The following FMN1 variants were observed in gnomAD, a reference collection of about 807,000 sequenced individuals.
The protein encoded by FMN1 is formin-1.
Under a neutral mutation model 132.4 loss-of-function variants are expected in FMN1, and 110 were observed. That is an observed-to-expected ratio of 0.83 (90% CI 0.71 to 0.97). The LOEUF is 0.97. Among genes scored for constraint, FMN1 ranks in the 50% least tolerant of loss-of-function variants. The pLI, the probability that FMN1 is intolerant of heterozygous loss-of-function variation, is 0.00. For missense variants in FMN1, 1,792 were observed against 1,705.3 expected (o/e 1.05, Z -0.90); for synonymous variants, 722 against 651.7 (o/e 1.11, Z -1.64).
chr15:33,107,222 C>A (rs575455891), intron 4 of FMN1, among the ~76,000 whole-genome samples: 1 of 152,038 alleles, frequency 6.6e-6, no homozygotes, highest in East Asian at 1.9e-4. Context: ...CAAATCTGAT[C>A]ACTTCACACA....
At chr15:32,899,785 G>A (rs1238485569) in intron 14 of FMN1, 194 bp downstream of exon 14, 11 of 547,352 alleles carry the variant, frequency 2.0e-5, no homozygotes, top group African/African-American at 1.2e-4. Flanking sequence ...AGTCTAACGT[G>A]AAAAAAAAAA....
At chr15:32,866,401 A>T (rs2059394713) in intron 16 of FMN1, among the ~76,000 whole-genome samples, 1 of 152,210 alleles carries the variant, frequency 6.6e-6, no homozygotes, top group African/African-American at 2.4e-5. Flanking sequence ...GTGAAAAAAA[A>T]GCATTTTGTA....
At chr15:32,932,498 G>C (rs347955) in intron 9 of FMN1, among the ~76,000 whole-genome samples, 1 of 152,160 alleles carries the variant, frequency 6.6e-6, no homozygotes, top group Non-Finnish European at 1.5e-5. Context: ...TGGTATCAGA[G>C]TAATGCTGTT....
chr15:33,043,883 G>A (rs977144746), intron 6 of FMN1, among the ~76,000 whole-genome samples: 29 of 152,164 alleles, frequency 1.9e-4, no homozygotes, highest in African/African-American at 6.5e-4. Context: ...CAAAAGCCCC[G>A]CCCTCCTGGG....
intron 4 of FMN1, among the ~76,000 whole-genome samples, chr15:33,128,276 A>C (rs929037140): frequency 5.9e-5 from 9 of 152,188 alleles, no homozygotes; most frequent in Non-Finnish European, 1.2e-4. Flanking sequence ...TTAGAAGCGC[A>C]ACAGTTGGGA....
intron 6 of FMN1, among the ~76,000 whole-genome samples, chr15:33,032,326 A>C (rs900863261): frequency 2.0e-5 from 3 of 152,262 alleles, no homozygotes; most frequent in African/African-American, 7.2e-5. Context: ...TGTAGATGCA[A>C]GTATTCATTA....
At chr15:32,818,148 T>TTA (rs1211738549) in intron 17 of FMN1, among the ~76,000 whole-genome samples, 1 of 152,206 alleles carries the variant, frequency 6.6e-6, no homozygotes, top group African/African-American at 2.4e-5. Flanking sequence ...TGTGCTTTAG[T>TTA]TATATAGTTG....
At chr15:32,792,170 G>A (rs2057104704) in intron 19 of FMN1, among the ~76,000 whole-genome samples, 1 of 151,292 alleles carries the variant, frequency 6.6e-6, no homozygotes, top group Non-Finnish European at 1.5e-5. Context: ...ACTACCATTG[G>A]TGTCAAAAAC....
chr15:32,837,634 A>T (rs569076022), intron 17 of FMN1, among the ~76,000 whole-genome samples: 1 of 152,160 alleles, frequency 6.6e-6, no homozygotes, highest in Non-Finnish European at 1.5e-5. Context: ...TTAGGACCTA[A>T]AGCAAGAAGG....
intron 13 of FMN1, 114 bp from the exon 14 acceptor site, chr15:32,900,239 A>G (rs1596224983): frequency 1.8e-6 from 2 of 1,089,072 alleles, no homozygotes; most frequent in Non-Finnish European, 1.4e-6. Context: ...TGGTACCAAC[A>G]GAATTAACAG....
intron 5 of FMN1, among the ~76,000 whole-genome samples, chr15:33,082,886 A>C (rs2038539944): frequency 6.6e-6 from 1 of 152,216 alleles, no homozygotes; most frequent in Non-Finnish European, 1.5e-5. Flanking sequence ...AGATTAAAAA[A>C]AACCAAAAAA....
rs1409754864 is a variant in FMN1 at position 32,768,231 on chromosome 15, T to C, written c.*6079A>G. Reference sequence around the variant, plus strand: ...GGAGGTAGAGAGTAATTTCCCTGAATAGCCAGTGGTCTATGGGACTAACCT... The same window carrying C: ...GGAGGTAGAGAGTAATTTCCCTGAACAGCCAGTGGTCTATGGGACTAACCT... On this transcript the variant is annotated 3_prime_UTR_variant, in exon 21 of 21. Coordinates refer to ENST00000616417, the MANE Select transcript of FMN1 (RefSeq NM_001277313.2). The C allele has an allele frequency of 2.6e-5, 4 of 152,176 alleles. No individual in the cohort carries two copies. Among genetic ancestry groups the C allele is most frequent in the African/African-American group, 4.8e-5 (2 of 41,436 alleles). The allele number at this position is 152,176 out of a possible 1,614,324, so 9.4% of individuals were successfully genotyped here.
At chr15:33,078,187 G>A (rs2038298835) in intron 5 of FMN1, among the ~76,000 whole-genome samples, 2 of 152,118 alleles carry the variant, frequency 1.3e-5, no homozygotes, top group Admixed American at 6.5e-5. Context: ...CGCGTAAAAT[G>A]GGAAAAATAA....
intron 4 of FMN1, among the ~76,000 whole-genome samples, chr15:33,128,680 C>T (rs1456817389): frequency 6.6e-6 from 1 of 152,228 alleles, no homozygotes; most frequent in East Asian, 1.9e-4. Flanking sequence ...TGTAGTCTCA[C>T]TGACTTCACG....
intron 4 of FMN1, among the ~76,000 whole-genome samples, chr15:33,113,615 G>A (rs1453555872): frequency 2.0e-5 from 3 of 152,094 alleles, no homozygotes; most frequent in East Asian, 3.9e-4. Context: ...AGTATACGGA[G>A]GCACCTTCCT....
intron 9 of FMN1, 83 bp from the exon 10 acceptor site, chr15:32,926,344 T>G (rs1448350157): frequency 4.2e-6 from 3 of 712,270 alleles, no homozygotes; most frequent in African/African-American, 1.8e-5. Flanking sequence ...ACATTAAATT[T>G]TTTTAGATAC....
chr15:32,864,087 C>T (rs2141333316), intron 16 of FMN1, among the ~76,000 whole-genome samples: 1 of 152,302 alleles, frequency 6.6e-6, no homozygotes, highest in Admixed American at 6.5e-5. Flanking sequence ...TGAGAAGGTA[C>T]TATTTTGTGG....
At chr15:32,857,487 A>AT (rs1485288627) in intron 16 of FMN1, among the ~76,000 whole-genome samples, 1 of 152,082 alleles carries the variant, frequency 6.6e-6, no homozygotes, top group Non-Finnish European at 1.5e-5. Flanking sequence ...CCCTCCTCAG[A>AT]TTCACACTCC....
intron 17 of FMN1, among the ~76,000 whole-genome samples, chr15:32,856,006 C>T (rs10519756): frequency 0.17 from 25,752 of 152,188 alleles, 2,889 homozygotes; most frequent in Admixed American, 0.27. Context: ...TACTTCAATA[C>T]AGACAACCTT....
Sources: gnomAD v4.1 joint callset for allele counts (sites outside exome capture counted in the v4.1 genomes callset) on GRCh38, gnomAD v4.1.1 for gene constraint, MANE v1.5 for transcripts, NCBI Gene and HGNC (gene_info 2026-07-23, HGNC 2026-07-21) for gene names.